PUS7L: variants seen among roughly 807,000 people sequenced by gnomAD.
PUS7L encodes the protein pseudouridine synthase 7 like.
PUS7L carries 49 observed loss-of-function variants against 51.1 expected under a neutral mutation model. The ratio of observed to expected loss-of-function variants is 0.96; its 90% confidence interval spans 0.76 to 1.22. The LOEUF (loss-of-function observed/expected upper bound fraction) is 1.22. Ranked by LOEUF, PUS7L falls within the 50% of genes most tolerant of loss-of-function variation. PUS7L has a pLI of 0.00. For missense variants in PUS7L, 828 were observed against 820.6 expected (o/e 1.01, Z -0.11); for synonymous variants, 277 against 276.2 (o/e 1.00, Z -0.03).
At position 43,738,352 on chromosome 12, in the gene PUS7L, C is replaced by T. The variant is rs1937715343; in HGVS notation, c.1402G>A (p.Asp468Asn). Reference sequence around the variant, plus strand: ...TTCTTTGCTCTATTTACAGGATCATCCAAGTCTTCTGGTGTAAGAAACAAT... The same window carrying T: ...TTCTTTGCTCTATTTACAGGATCATTCAAGTCTTCTGGTGTAAGAAACAAT... ...IKLFLTPEDLDDPVNRAKKYF... is the reference protein window; with the variant it reads ...IKLFLTPEDLNDPVNRAKKYF... The change falls in exon 6 of 9, where the codon GAT (aspartate) becomes AAT (asparagine). Residue 468 changes from aspartate (D) to asparagine (N), a missense_variant. Physicochemically the swap from Asp to Asn is conservative, Grantham distance 23 (BLOSUM62 1). Coordinates refer to ENST00000344862, the MANE Select transcript of PUS7L (RefSeq NM_031292.5). The T allele has an allele frequency of 1.3e-6, 2 of 1,597,444 alleles. No homozygotes were observed. The highest frequency in any genetic ancestry group is 1.7e-6 in the Non-Finnish European group (2 of 1,165,924).
At chr12:43,743,128 G>A (rs1031680538) in intron 4 of PUS7L, among the ~76,000 whole-genome samples, 3 of 152,100 alleles carry the variant, frequency 2.0e-5, no homozygotes, top group African/African-American at 4.8e-5. Flanking sequence ...TGTATTCCAG[G>A]GGAAGAATAC....
chr12:43,731,739 T>C lies in PUS7L; in HGVS notation c.1745A>G (p.Glu582Gly), dbSNP rs1390388912. 1 of 1,581,248 alleles carries C rather than the reference T, an allele frequency of 6.3e-7. No homozygotes were observed. The highest frequency in any genetic ancestry group is 2.2e-5 in the East Asian group (1 of 44,536). Residue 582 changes from glutamate to glycine, a missense_variant, in exon 8 of 9, where the codon GAG (glutamate) becomes GGG (glycine). Coordinates refer to ENST00000344862, the MANE Select transcript of PUS7L (RefSeq NM_031292.5). ...TGCATACATATTAGCTGATCCCTCC[T>C]CTTCAGTTACCAGGTGAATCTAGTT... ...PNSKIHLVTE[E>G]EGSANMYAIH...
chr12:43,748,057 G>A (rs1938255285), intron 3 of PUS7L, among the ~76,000 whole-genome samples: 2 of 152,198 alleles, frequency 1.3e-5, no homozygotes, highest in Non-Finnish European at 1.5e-5. Flanking sequence ...TCAAAGTACT[G>A]TGATTATAGG....
At chr12:43,745,698 A>T (rs1462846790) in intron 4 of PUS7L, among the ~76,000 whole-genome samples, 1 of 151,442 alleles carries the variant, frequency 6.6e-6, no homozygotes, top group Admixed American at 6.6e-5. Context: ...TATACATCAA[A>T]ATTTCCAAAC....
chr12:43,755,275 CAA>C lies in PUS7L; in HGVS notation c.-16-16_-16-15del. The C allele has an allele frequency of 1.3e-6, 2 of 1,484,170 alleles. No individual in the cohort carries two copies. Among genetic ancestry groups the C allele is most frequent in the Non-Finnish European group, 9.1e-7 (1 of 1,101,710 alleles). 91.9% of individuals were successfully genotyped at this position (1,484,170 alleles called of 1,614,324 possible). On this transcript the variant is annotated splice_polypyrimidine_tract_variant and intron_variant, in intron 1 of 8. Coordinates refer to ENST00000344862, the MANE Select transcript of PUS7L (RefSeq NM_031292.5). ...CTATAACAGTGCCTAGAAAACAAAA[CAA>C]AGAGGTGGTTAGTTAACAGAAAGAG... is the stretch of plus-strand genomic sequence containing the variant.
Position 43,726,802 on chromosome 12 carries a change from T to G in PUS7L, c.*3574A>C, listed in dbSNP as rs1387424351. The G allele has an allele frequency of 6.6e-6, 1 of 151,220 alleles. No homozygotes were observed. Among genetic ancestry groups the G allele is most frequent in the Non-Finnish European group, 1.5e-5 (1 of 67,940 alleles). The allele number at this position is 151,220 out of a possible 1,614,324, so 9.4% of individuals were successfully genotyped here. The stretch of plus-strand genomic sequence containing the variant: ...GAGATTGCACCACTGCACTCCAGCC[T>G]GGGTGACAGAAGGAAACTCCATCTA... On this transcript the variant is annotated 3_prime_UTR_variant, in exon 9 of 9. Coordinates refer to ENST00000344862, the MANE Select transcript of PUS7L (RefSeq NM_031292.5).
chr12:43,737,823 C>T (rs192775791), intron 6 of PUS7L, among the ~76,000 whole-genome samples: 3 of 152,182 alleles, frequency 2.0e-5, no homozygotes, highest in East Asian at 3.9e-4. Context: ...ATACTCATAA[C>T]CACTTTTCCT....
Position 43,728,462 on chromosome 12 carries a change from C to A in PUS7L, c.*1914G>T, listed in dbSNP as rs1384574965. On this transcript the variant is annotated 3_prime_UTR_variant, in exon 9 of 9. Transcript: ENST00000344862. ...ATGTATATAACTCATTTTATGATTA[C>A]ATTTATAGGATACGATTTATCATAT... 6.6e-6 allele frequency: 1 copy of A among 152,046 alleles called. No individual in the cohort carries two copies. The highest frequency in any genetic ancestry group is 1.5e-5 in the Non-Finnish European group (1 of 67,970). The allele number at this position is 152,046 out of a possible 1,614,324, so 9.4% of individuals were successfully genotyped here.
At position 43,731,727 on chromosome 12, in the gene PUS7L, G is replaced by T; in HGVS notation, c.1757C>A (p.Ala586Asp). 1 of 1,580,846 alleles carries T rather than the reference G, an allele frequency of 6.3e-7. No individual in the cohort carries two copies. Among genetic ancestry groups the T allele is most frequent in the Non-Finnish European group, 8.7e-7 (1 of 1,153,686 alleles). ...TACCTGATGTATTGCATACATATTA[G>T]CTGATCCCTCCTCTTCAGTTACCAG... ...IHLVTEEEGS[A>D]NMYAIHQVVL... is the part of the protein sequence containing the mutation. Residue 586 changes from alanine to aspartate, a missense_variant, in exon 8 of 9, where the codon GCT becomes GAT. Physicochemically the swap from Ala to Asp is moderately radical, Grantham distance 126. Transcript: ENST00000344862.
At chr12:43,730,806 G>A in intron 8 of PUS7L, 104 bp from the exon 9 acceptor site, 2 of 706,922 alleles carry the variant, frequency 2.8e-6, no homozygotes, top group Non-Finnish European at 4.7e-6. Context: ...TGTAAAAATA[G>A]TCTCAGAATA....
chr12:43,729,980 T>C lies in PUS7L; in HGVS notation c.*396A>G, dbSNP rs938910256. On this transcript the variant is annotated 3_prime_UTR_variant, in exon 9 of 9. Coordinates refer to ENST00000344862, the MANE Select transcript of PUS7L (RefSeq NM_031292.5). Reference sequence around the variant, plus strand: ...GCTTCATCTATCTTTCTCTCCAACATTTGCTTCACTGCGACCTAATTTTAC... The same window carrying C: ...GCTTCATCTATCTTTCTCTCCAACACTTGCTTCACTGCGACCTAATTTTAC... 3 of 167,662 alleles carry C rather than the reference T, an allele frequency of 1.8e-5. No homozygotes were observed. Among genetic ancestry groups the C allele is most frequent in the African/African-American group, 7.2e-5 (3 of 41,742 alleles). The allele number at this position is 167,662 out of a possible 1,614,324, so 10.4% of individuals were successfully genotyped here.
At chr12:43,752,748 G>C (rs1938515346) in intron 2 of PUS7L, among the ~76,000 whole-genome samples, 1 of 152,120 alleles carries the variant, frequency 6.6e-6, no homozygotes. Context: ...AGGAAGAATT[G>C]TTTAATAAAT....
At chr12:43,758,154 G>T in intron 1 of PUS7L, 1 of 241,710 alleles carries the variant, frequency 4.1e-6, no homozygotes, top group Non-Finnish European at 6.7e-6. Context: ...GTAGGGATTG[G>T]CCCTGAAAGA....
intron 1 of PUS7L, 144 bp from the exon 2 acceptor site, chr12:43,755,405 A>T (rs1938654979): frequency 6.9e-6 from 4 of 579,136 alleles, no homozygotes; most frequent in Non-Finnish European, 1.2e-5. Flanking sequence ...CTTAATTTAT[A>T]ACTATATGTA....
chr12:43,728,063 A>AG lies in PUS7L; in HGVS notation c.*2312_*2313insC, dbSNP rs918551066. ...CCTAATAATGAGGTGAAGAAAAAAAAAAAACTAATCCAAAGATCATGCTTA... is the reference window on the plus strand; with the variant it reads ...CCTAATAATGAGGTGAAGAAAAAAAAGAAAACTAATCCAAAGATCATGCTTA... On this transcript the variant is annotated 3_prime_UTR_variant, in exon 9 of 9. Coordinates refer to ENST00000344862, the MANE Select transcript of PUS7L (RefSeq NM_031292.5). 6.6e-6 allele frequency: 1 copy of AG among 152,120 alleles called. No homozygotes were observed. The highest frequency in any genetic ancestry group is 1.5e-5 in the Non-Finnish European group (1 of 68,020). 9.4% of individuals were successfully genotyped at this position (152,120 alleles called of 1,614,324 possible).
Position 43,730,704 on chromosome 12 carries a change from TG to T in PUS7L, c.1780-3del. 1 of 1,575,882 alleles carries T rather than the reference TG, an allele frequency of 6.3e-7. No homozygotes were observed. The highest frequency in any genetic ancestry group is 8.7e-7 in the Non-Finnish European group (1 of 1,154,620). On this transcript the variant is annotated splice_region_variant and splice_polypyrimidine_tract_variant and intron_variant, in intron 8 of 8. Coordinates refer to ENST00000344862, the MANE Select transcript of PUS7L (RefSeq NM_031292.5). ...GTATCCAAGTACTGGAAGAACCACC[TG>T]TGAAAGAAAAGAGGGAAAAAATATG...
rs1944387767 is a variant in PUS7L, at chr12:43,720,683, T to C, written c.*9693A>G. 6.6e-6 allele frequency: 1 copy of C among 152,222 alleles called. No individual in the cohort carries two copies. The highest frequency in any genetic ancestry group is 2.4e-5 in the African/African-American group (1 of 41,474). 9.4% of individuals were successfully genotyped at this position (152,222 alleles called of 1,614,324 possible). ...ATGTCCCATGGATGCTTTAAAAGAA[T>C]AGAGGTTCTGTGGCTGCTGAGTATA... On this transcript the variant is annotated 3_prime_UTR_variant, in exon 9 of 9. Coordinates refer to ENST00000344862, the MANE Select transcript of PUS7L (RefSeq NM_031292.5).
intron 2 of PUS7L, 80 bp from the exon 3 acceptor site, chr12:43,748,689 AAT>A (rs869193372): frequency 6.7e-6 from 7 of 1,040,708 alleles, no homozygotes; most frequent in Non-Finnish European, 9.1e-6. Flanking sequence ...AGATTAGTAT[AAT>A]AAATCAAACT....
intron 7 of PUS7L, among the ~76,000 whole-genome samples, chr12:43,734,221 C>A (rs1203815036): frequency 3.3e-5 from 5 of 152,092 alleles, no homozygotes; most frequent in Non-Finnish European, 7.4e-5. Context: ...CTTTTGTTGA[C>A]ACTGTTGGGA....
Sources: gnomAD v4.1 joint callset for allele counts (sites outside exome capture counted in the v4.1 genomes callset) on GRCh38, gnomAD v4.1.1 for gene constraint, MANE v1.5 for transcripts, NCBI Gene and HGNC (gene_info 2026-07-23, HGNC 2026-07-21) for gene names.